The following TCF4 variants were observed in gnomAD, a reference collection of about 807,000 sequenced individuals.
TCF4 encodes the protein SL3-3 enhancer factor 2.
Under a neutral mutation model 82.1 loss-of-function variants are expected in TCF4, and 3 were observed. That is an observed-to-expected ratio of 0.04 (90% CI 0.02 to 0.09). The LOEUF (loss-of-function observed/expected upper bound fraction) is 0.09, where lower values mean the gene tolerates loss of function less well. Ranked by LOEUF, TCF4 falls within the 10% of genes least tolerant of loss-of-function variation. TCF4 has a pLI of 1.00. For missense variants in TCF4, 518 were observed against 852.7 expected, an observed-to-expected ratio of 0.61 and a Z score of 4.89; for synonymous variants, 276 against 309.6, an observed-to-expected ratio of 0.89 and a Z score of 1.14.
intron 8 of TCF4, among the ~76,000 whole-genome samples, chr18:55,325,340 C>A (rs139156794): frequency 2.0e-5 from 3 of 152,092 alleles, no homozygotes; most frequent in African/African-American, 7.2e-5. Context: ...TGAAGGCAAT[C>A]GCACATACAT....
intron 8 of TCF4, among the ~76,000 whole-genome samples, chr18:55,326,031 G>A (rs1051286549): frequency 2.6e-5 from 4 of 152,132 alleles, no homozygotes; most frequent in Admixed American, 2.6e-4. Flanking sequence ...TCTGTGGCAG[G>A]TATTATCATT....
chr18:55,338,513 C>T (rs554815050), intron 8 of TCF4, among the ~76,000 whole-genome samples: 2 of 152,098 alleles, frequency 1.3e-5, no homozygotes, highest in Non-Finnish European at 2.9e-5. Flanking sequence ...TGCCAGCATA[C>T]AAAACACAAA....
chr18:55,356,701 T>G (rs1223135988), intron 6 of TCF4, among the ~76,000 whole-genome samples: 2 of 152,188 alleles, frequency 1.3e-5, no homozygotes, highest in African/African-American at 2.4e-5. Context: ...TTTTGCCACT[T>G]ACGAGGGTAA....
intron 3 of TCF4, among the ~76,000 whole-genome samples, chr18:55,470,417 C>T (rs2096148907): frequency 6.6e-6 from 1 of 152,216 alleles, no homozygotes; most frequent in Non-Finnish European, 1.5e-5. Flanking sequence ...CTGTATAACA[C>T]TATCAGAGTA....
At chr18:55,238,378 G>T (rs190063675) in intron 15 of TCF4, among the ~76,000 whole-genome samples, 2 of 152,314 alleles carry the variant, frequency 1.3e-5, no homozygotes, top group Non-Finnish European at 2.9e-5. Context: ...TTCATTGATT[G>T]ATCAGAGAAT....
chr18:55,490,746 T>C lies in TCF4; in HGVS notation c.146-26609A>G, dbSNP rs142761122. ...TTCTCCATAAGGCCAGAGAAAGGAA[T>C]ACGGAGATGACCTGACCATTCCACA... On this transcript the variant is annotated intron_variant, in intron 3 of 19. Transcript: ENST00000354452. Among the ~76,000 whole-genome samples the C allele has an allele frequency of 3.4e-3, 521 of 152,318 alleles. 7 individuals carry two copies. Among genetic ancestry groups the C allele is most frequent in the East Asian group, 0.017 (87 of 5,192 alleles).
chr18:55,271,380 T>A lies in TCF4; in HGVS notation c.790-1417A>T, dbSNP rs143168558. On this transcript the variant is annotated intron_variant, in intron 10 of 19. Transcript: ENST00000354452. The stretch of plus-strand genomic sequence containing the variant: ...TGGCTAACTACTGAACACATAATTA[T>A]ACTATACGCTCAATGAACAATTGGT... 1.2e-4 allele frequency among the ~76,000 whole-genome samples: 19 copies of A among 152,272 alleles called. No homozygotes were observed. In the East Asian group the frequency reaches 3.5e-3, roughly 28 times the overall value.
chr18:55,239,272 G>C (rs1246493399), intron 15 of TCF4, among the ~76,000 whole-genome samples: 1 of 152,168 alleles, frequency 6.6e-6, no homozygotes. Flanking sequence ...GACGTCGAGG[G>C]CTTGGAGGAC....
At chr18:55,494,899 C>T (rs186105260) in intron 3 of TCF4, among the ~76,000 whole-genome samples, 304 of 150,602 alleles carry the variant, frequency 2.0e-3, no homozygotes, top group African/African-American at 6.4e-3. Flanking sequence ...CAATCCTATA[C>T]TAATAGAAAG....
At chr18:55,612,746 A>C (rs887337047) in intron 2 of TCF4, among the ~76,000 whole-genome samples, 1 of 152,082 alleles carries the variant, frequency 6.6e-6, no homozygotes, top group Non-Finnish European at 1.5e-5. Flanking sequence ...TGAGGAGTTC[A>C]AGACCAGACT....
chr18:55,411,585 T>C (rs1397970504), intron 5 of TCF4, among the ~76,000 whole-genome samples: 1 of 152,096 alleles, frequency 6.6e-6, no homozygotes, highest in East Asian at 1.9e-4. Flanking sequence ...AGATGGTGAG[T>C]GTGGAGAAAA....
intron 3 of TCF4, among the ~76,000 whole-genome samples, chr18:55,549,729 CT>C (rs544923928): frequency 3.5e-4 from 52 of 147,580 alleles, no homozygotes; most frequent in Middle Eastern, 6.9e-3. Flanking sequence ...TTACAGTTAA[CT>C]TTTTTTTTTT....
chr18:55,359,179 C>A (rs2084401641), intron 6 of TCF4, among the ~76,000 whole-genome samples: 1 of 152,138 alleles, frequency 6.6e-6, no homozygotes, highest in African/African-American at 2.4e-5. Context: ...TCTGATCCTC[C>A]CAATATCTCC....
At chr18:55,510,215 C>T (rs1196846735) in intron 3 of TCF4, among the ~76,000 whole-genome samples, 1 of 152,106 alleles carries the variant, frequency 6.6e-6, no homozygotes, top group Non-Finnish European at 1.5e-5. Flanking sequence ...AGATATAGCG[C>T]TCAGTCTGCC....
chr18:55,399,880 TCACACACACACACACACACACACACACA>T (rs398041380), intron 6 of TCF4, among the ~76,000 whole-genome samples: 1 of 63,436 alleles, frequency 1.6e-5, no homozygotes, highest in Non-Finnish European at 2.9e-5. Context: ...TCTCTCTCTC[TCACACACACACACACACACACACACACA>T]CACACACACA....
intron 8 of TCF4, among the ~76,000 whole-genome samples, chr18:55,305,313 C>T (rs867685926): frequency 1.3e-5 from 2 of 152,218 alleles, no homozygotes; most frequent in South Asian, 2.1e-4. Flanking sequence ...ATTATAACTA[C>T]AATTTTTCGA....
intron 2 of TCF4, among the ~76,000 whole-genome samples, chr18:55,599,275 G>T (rs1215095435): frequency 6.6e-6 from 1 of 152,194 alleles, no homozygotes; most frequent in Non-Finnish European, 1.5e-5. Flanking sequence ...CTTCCCTCTT[G>T]CAGTTTCCCT....
At chr18:55,368,094 T>C (rs1481660361) in intron 6 of TCF4, among the ~76,000 whole-genome samples, 6 of 152,154 alleles carry the variant, frequency 3.9e-5, no homozygotes, top group African/African-American at 1.4e-4. Context: ...AAAAACCTCA[T>C]AGTGTTTTCA....
chr18:55,367,209 C>T (rs1251630768), intron 6 of TCF4, among the ~76,000 whole-genome samples: 3 of 152,124 alleles, frequency 2.0e-5, no homozygotes, highest in Admixed American at 2.0e-4. Context: ...TGTACATGTG[C>T]TCATGGGTGT....
Sources: gnomAD v4.1 joint callset for allele counts (sites outside exome capture counted in the v4.1 genomes callset) on GRCh38, gnomAD v4.1.1 for gene constraint, MANE v1.5 for transcripts, NCBI Gene and HGNC (gene_info 2026-07-23, HGNC 2026-07-21) for gene names.